The following NR4A2 variants were observed in gnomAD, a reference collection of about 807,000 sequenced individuals.
NR4A2 encodes the protein nuclear receptor subfamily 4 group A member 2.
In NR4A2, 1 loss-of-function variant was observed where a neutral mutation model predicts 50.5. The ratio of observed to expected loss-of-function variants is 0.02; its 90% CI spans 0.01 to 0.09. The LOEUF is 0.09. NR4A2 is among the 10% of genes least tolerant of loss of function. The probability of loss-of-function intolerance (pLI) is 1.00; values close to 1 mark genes in which losing one functional copy is unlikely to be tolerated. For missense variants in NR4A2, 613 were observed against 777.3 expected, an observed-to-expected ratio of 0.79 and a Z score of 2.51; for synonymous variants, 328 against 309.4, an observed-to-expected ratio of 1.06 and a Z score of -0.63.
At position 156,328,607 on chromosome 2, in the gene NR4A2, G is replaced by C; in HGVS notation, c.865-74C>G. ...ATCAGGCAACTCGGAGAAAATTTCT[G>C]TTATGTGACTGGGGTCTACGATTCC... On this transcript the variant is annotated intron_variant, in intron 3 of 7. Transcript: ENST00000339562. This position sits in a 1 kb window ranked among gnomAD's most constrained non-coding sequence, Gnocchi z 4.9. 1 of 1,587,650 alleles carries C rather than the reference G, an allele frequency of 6.3e-7. No individual in the cohort carries two copies. Among genetic ancestry groups the C allele is most frequent in the Non-Finnish European group, 8.6e-7 (1 of 1,157,684 alleles).
Position 156,329,199 on chromosome 2 carries a change from C to G in NR4A2, c.864+124G>C. The G allele has an allele frequency of 2.8e-6, 4 of 1,404,894 alleles. No individual in the cohort carries two copies. Among genetic ancestry groups the G allele is most frequent in the South Asian group, 2.5e-5 (2 of 80,678 alleles). The allele number at this position is 1,404,894 out of a possible 1,614,324, so 87.0% of individuals were successfully genotyped here. ...CCTGCAGGGCAGCTTCGGCGGACCC[C>G]GGAGAGCTGGGCAGTCCCGGGAGAG... On this transcript the variant is annotated intron_variant, in intron 3 of 7. Coordinates refer to ENST00000339562, the MANE Select transcript of NR4A2 (RefSeq NM_006186.4). The surrounding 1 kb of genome is among the most constrained non-coding windows in gnomAD (Gnocchi z 7.5).
chr2:156,331,386 A>C (rs755230906), intron 1 of NR4A2, among the ~76,000 whole-genome samples: 2 of 152,200 alleles, frequency 1.3e-5, no homozygotes, highest in Non-Finnish European at 2.9e-5. Context: ...AGATAAATTG[A>C]TGTTCACTTT....
chr2:156,330,871 C>A (rs1686891866), intron 1 of NR4A2, 80 bp from the exon 2 acceptor site: 3 of 1,150,750 alleles, frequency 2.6e-6, no homozygotes, highest in Non-Finnish European at 3.3e-6. Context: ...ACCAGGCAGG[C>A]CCTTCCATGC....
rs906276934 is a variant in NR4A2 at position 156,325,085 on chromosome 2, A to C, written c.*659T>G. 6.6e-6 allele frequency: 1 copy of C among 152,406 alleles called. No individual in the cohort carries two copies. The highest frequency in any genetic ancestry group is 6.6e-5 in the Admixed American group (1 of 15,262). The allele number at this position is 152,406 out of a possible 1,614,324, so 9.4% of individuals were successfully genotyped here. On this transcript the variant is annotated 3_prime_UTR_variant, in exon 8 of 8. Transcript: ENST00000339562. ...ATGCTTGTCCCTTTTTTATGTATTT[A>C]TTTTCTTTTTTTTTGCAAACACACT... is the stretch of plus-strand genomic sequence containing the variant.
rs767916072 is a variant in NR4A2, at chr2:156,326,949, T to C, written c.1159-29A>G. The stretch of plus-strand genomic sequence containing the variant: ...GAATTTCATTTTAAAAAGCACTTAA[T>C]GAGGTTCTCTAAAATATATAACCCG... On this transcript the variant is annotated intron_variant, in intron 5 of 7. Coordinates refer to ENST00000339562, the MANE Select transcript of NR4A2 (RefSeq NM_006186.4). The surrounding 1 kb of genome is among the most constrained non-coding windows in gnomAD (Gnocchi z 4.2). 3.7e-6 allele frequency: 6 copies of C among 1,605,788 alleles called. No individual in the cohort carries two copies. The highest frequency in any genetic ancestry group is 5.1e-6 in the Non-Finnish European group (6 of 1,173,112).
chr2:156,329,750 G>A lies in NR4A2; in HGVS notation c.437C>T (p.Pro146Leu). ...CTGGTGGAAGTTGTGGAGAGATCCC[G>A]GGTCGTCCCACATGGGGCTGTGCTG... ...QVQHSPMWDD[P>L]GSLHNFHQNY... Residue 146 changes from proline (P) to leucine (L), a missense_variant, in exon 3 of 8, where the codon CCG (proline) becomes CTG (leucine). This residue lies in a region of NR4A2 where 275 missense variants were observed against 248.9 expected (regional missense o/e 1.10). Transcript: ENST00000339562. This position sits in a 1 kb window ranked among gnomAD's most constrained non-coding sequence, Gnocchi z 7.5. 6.2e-7 allele frequency: 1 copy of A among 1,613,672 alleles called. No individual in the cohort carries two copies. Among genetic ancestry groups the A allele is most frequent in the Non-Finnish European group, 8.5e-7 (1 of 1,179,654 alleles).
Position 156,326,998 on chromosome 2 carries a change from A to T in NR4A2, c.1159-78T>A. The T allele has an allele frequency of 1.5e-6, 2 of 1,368,968 alleles. No homozygotes were observed. Among genetic ancestry groups the T allele is most frequent in the Non-Finnish European group, 2.1e-6 (2 of 965,896 alleles). 84.8% of individuals were successfully genotyped at this position (1,368,968 alleles called of 1,614,324 possible). A position where few individuals can be genotyped will look rare whatever the true frequency, so the allele number is the denominator to read the frequency against. ...CGTGAAATTGCTAACCCCGTTTCTA[A>T]TAGGGGAGCCAGGTTTTTATAACAA... On this transcript the variant is annotated intron_variant, in intron 5 of 7. Coordinates refer to ENST00000339562, the MANE Select transcript of NR4A2 (RefSeq NM_006186.4). This position sits in a 1 kb window ranked among gnomAD's most constrained non-coding sequence, Gnocchi z 4.2.
In NR4A2 at chr2:156,330,180, A is replaced by G; in HGVS notation, c.7T>C (p.Cys3Arg). The G allele has an allele frequency of 6.2e-7, 1 of 1,614,126 alleles. No individual in the cohort carries two copies. The change falls in exon 3 of 8, where the codon TGT (cysteine) becomes CGT (arginine). Residue 3 changes from cysteine (C) to arginine (R), a missense_variant. Cys to Arg is a radical substitution (Grantham distance 180). This residue lies in a region of NR4A2 where 61 missense variants were observed against 96.4 expected (regional missense o/e 0.63). Coordinates refer to ENST00000339562, the MANE Select transcript of NR4A2 (RefSeq NM_006186.4). Reference sequence around the variant, plus strand: ...GAGGACCCATACTGCGCCTGAACACAAGGCATGGCTGGAAATGAAACAGGG... The same window carrying G: ...GAGGACCCATACTGCGCCTGAACACGAGGCATGGCTGGAAATGAAACAGGG... The part of the protein sequence containing the change: MP[C>R]VQAQYGSSPQ...
rs954886860 is a variant in NR4A2 at position 156,325,827 on chromosome 2, G to A, written c.1714C>T (p.Arg572Cys). ...LRTLCTQGLQRIFYLKLEDLV... is the reference protein window; with the variant it reads ...LRTLCTQGLQCIFYLKLEDLV... ...TCTTCCAATTTCAGGTAGAAAATGC[G>A]CTGTAGCCCCTGTGTGCAAAGGGTA... Residue 572 changes from arginine to cysteine, a missense_variant, in exon 8 of 8, where the codon CGC becomes TGC. Arg to Cys is a radical substitution (Grantham distance 180). Coordinates refer to ENST00000339562, the MANE Select transcript of NR4A2 (RefSeq NM_006186.4). 8 of 1,614,036 alleles carry A rather than the reference G, an allele frequency of 5.0e-6. No homozygotes were observed. The highest frequency in any genetic ancestry group is 1.3e-5 in the African/African-American group (1 of 74,900).
chr2:156,326,099 ATCCTG>A lies in NR4A2; in HGVS notation c.1540+46_1540+50del. On this transcript the variant is annotated intron_variant, in intron 7 of 7. Coordinates refer to ENST00000339562, the MANE Select transcript of NR4A2 (RefSeq NM_006186.4). This position sits in a 1 kb window ranked among gnomAD's most constrained non-coding sequence, Gnocchi z 4.2. ...CTGTGACAAGGGAAACTCAGGACAA[ATCCTG>A]CTAGGCAGTTCTGGAGGGGAAGCGC... 6.2e-7 allele frequency: 1 copy of A among 1,613,662 alleles called. No homozygotes were observed.
At position 156,330,653 on chromosome 2, in the gene NR4A2, T is replaced by G; in HGVS notation, c.-3+15A>C. On this transcript the variant is annotated intron_variant, in intron 2 of 7. Transcript: ENST00000339562. Reference sequence around the variant, plus strand: ...AGCTCTGGAGAGTAAAGGAAAGAAATGAAGTTGCACTAACCTTCAGCCGAG... The same window carrying G: ...AGCTCTGGAGAGTAAAGGAAAGAAAGGAAGTTGCACTAACCTTCAGCCGAG... The G allele has an allele frequency of 7.7e-7, 1 of 1,297,108 alleles. No homozygotes were observed. The allele number at this position is 1,297,108 out of a possible 1,614,324, so 80.3% of individuals were successfully genotyped here.
At position 156,326,194 on chromosome 2, in the gene NR4A2, T is replaced by C. The variant is rs537443892; in HGVS notation, c.1496A>G (p.Asp499Gly). 1 of 1,614,178 alleles carries C rather than the reference T, an allele frequency of 6.2e-7. No homozygotes were observed. Among genetic ancestry groups the C allele is most frequent in the South Asian group, 1.1e-5 (1 of 91,084 alleles). The change falls in exon 7 of 8, where the codon GAC becomes GGC. Residue 499 changes from aspartate (D) to glycine (G), a missense_variant. Around this residue, in one of 4 missense-constraint regions of NR4A2, gnomAD observed 250 missense variants for 311.3 expected, o/e 0.80. Transcript: ENST00000339562. The surrounding 1 kb of genome is among the most constrained non-coding windows in gnomAD (Gnocchi z 4.2). ...FSSNLQNMNI[D>G]ISAFSCIAAL... is the part of the protein sequence containing the mutation. ...AGCAATGCAGGAGAAGGCAGAAATGTCGATGTTCATATTCTGCAAGTTGGA... is the reference window on the plus strand; with the variant it reads ...AGCAATGCAGGAGAAGGCAGAAATGCCGATGTTCATATTCTGCAAGTTGGA...
intron 1 of NR4A2, 59 bp from the exon 2 acceptor site, chr2:156,330,850 T>C: frequency 8.1e-7 from 1 of 1,235,952 alleles, no homozygotes. Context: ...CAGCTGGGCA[T>C]ATGTAGACTC....
In NR4A2 at chr2:156,330,662, A is replaced by G. The variant is rs1277462608; in HGVS notation, c.-3+6T>C. On this transcript the variant is annotated splice_donor_region_variant and intron_variant, in intron 2 of 7. Transcript: ENST00000339562. Reference sequence around the variant, plus strand: ...GAGTAAAGGAAAGAAATGAAGTTGCACTAACCTTCAGCCGAGTTACAGGCG... The same window carrying G: ...GAGTAAAGGAAAGAAATGAAGTTGCGCTAACCTTCAGCCGAGTTACAGGCG... 4.7e-6 allele frequency: 6 copies of G among 1,287,146 alleles called. No individual in the cohort carries two copies. The South Asian group carries it at 9.0e-5, about 19-fold the overall frequency. 79.7% of individuals were successfully genotyped at this position (1,287,146 alleles called of 1,614,324 possible).
At chr2:156,331,914 A>G (rs559149360) in intron 1 of NR4A2, 1 of 155,026 alleles carries the variant, frequency 6.5e-6, no homozygotes, top group South Asian at 1.9e-4. Context: ...GCTCTGATAC[A>G]TTCGCAAACC....
chr2:156,325,424 C>CT lies in NR4A2; in HGVS notation c.*319dup. 2.6e-6 allele frequency: 1 copy of CT among 378,020 alleles called. No homozygotes were observed. Among genetic ancestry groups the CT allele is most frequent in the Non-Finnish European group, 5.1e-6 (1 of 197,812 alleles). The allele number at this position is 378,020 out of a possible 1,614,324, so 23.4% of individuals were successfully genotyped here. A position where few individuals can be genotyped will look rare whatever the true frequency, so the allele number is the denominator to read the frequency against. ...ATTTCCCATTATACATTATAGCAAT[C>CT]TTTCTTCTGAACAACAAACTGATTT... is the stretch of plus-strand genomic sequence containing the variant. On this transcript the variant is annotated 3_prime_UTR_variant, in exon 8 of 8. Coordinates refer to ENST00000339562, the MANE Select transcript of NR4A2 (RefSeq NM_006186.4).
Position 156,326,728 on chromosome 2 carries a change from A to C in NR4A2, c.1351T>G (p.Leu451Val). ...TCCCTCCCTTATTACCTGTATGCTA[A>C]TCGAAGGACAAACAGTTCTAAGAAA... Reference protein sequence around the residue: ...SAFLELFVLRLAYRSNPVEGK... With the variant: ...SAFLELFVLRVAYRSNPVEGK... Residue 451 changes from leucine (L) to valine (V), a missense_variant, in exon 6 of 8, where the codon TTA becomes GTA. Around this residue, in one of 4 missense-constraint regions of NR4A2, gnomAD observed 250 missense variants for 311.3 expected, o/e 0.80. Coordinates refer to ENST00000339562, the MANE Select transcript of NR4A2 (RefSeq NM_006186.4). This position sits in a 1 kb window ranked among gnomAD's most constrained non-coding sequence, Gnocchi z 4.2. The C allele has an allele frequency of 1.2e-6, 2 of 1,613,756 alleles. No homozygotes were observed. The highest frequency in any genetic ancestry group is 1.7e-6 in the Non-Finnish European group (2 of 1,179,946).
Position 156,329,501 on chromosome 2 carries a change from G to A in NR4A2, c.686C>T (p.Ser229Phe). The A allele has an allele frequency of 4.4e-6, 7 of 1,605,560 alleles. No homozygotes were observed. Among genetic ancestry groups the A allele is most frequent in the Non-Finnish European group, 5.9e-6 (7 of 1,176,546 alleles). Reference sequence around the variant, plus strand: ...GATCTGCAGGCCCGGGAAGCCCATGGACGCGGGCTTGCGAATGGGGTTGGG... The same window carrying A: ...GATCTGCAGGCCCGGGAAGCCCATGAACGCGGGCTTGCGAATGGGGTTGGG... The part of the protein sequence containing the change: ...AVPNPIRKPA[S>F]MGFPGLQIGH... The change falls in exon 3 of 8, where the codon TCC (serine) becomes TTC (phenylalanine). Residue 229 changes from serine (S) to phenylalanine (F), a missense_variant. By Grantham distance (155) the Ser-to-Phe change is radical. Around this residue, in one of 4 missense-constraint regions of NR4A2, gnomAD observed 275 missense variants for 248.9 expected, o/e 1.10. Coordinates refer to ENST00000339562, the MANE Select transcript of NR4A2 (RefSeq NM_006186.4). This position sits in a 1 kb window ranked among gnomAD's most constrained non-coding sequence, Gnocchi z 7.5.
rs965338048 is a variant in NR4A2, at chr2:156,326,557, C to T, written c.1361+161G>A. On this transcript the variant is annotated intron_variant, in intron 6 of 7. Transcript: ENST00000339562. The surrounding 1 kb of genome is among the most constrained non-coding windows in gnomAD (Gnocchi z 4.2). ...CAAGGCTTCTGGGCTCGCTTCTTCT[C>T]GTCTTTTTTTGTTTTCTTTCTTTTT... 6.6e-6 allele frequency among the ~76,000 whole-genome samples: 1 copy of T among 152,144 alleles called. No individual in the cohort carries two copies.
Sources: allele counts gnomAD v4.1 joint callset (sites outside exome capture counted in the v4.1 genomes callset), GRCh38; gene constraint gnomAD v4.1.1; regional missense constraint gnomAD v4.1.1; non-coding constraint Gnocchi (gnomAD v3.1); transcripts MANE v1.5; gene names NCBI Gene and HGNC (gene_info 2026-07-23, HGNC 2026-07-21).